Variants in DPF3 observed in about 807,000 individuals in gnomAD.
DPF3 encodes the protein zinc finger protein DPF3.
DPF3 carries 18 observed loss-of-function variants against 56.8 expected under a neutral mutation model. That is an observed-to-expected ratio of 0.32 (90% CI 0.22 to 0.47). DPF3 has a LOEUF of 0.47. Among genes scored for constraint, DPF3 ranks in the 20% least tolerant of loss-of-function variants. The probability of loss-of-function intolerance (pLI) is 1.00; values close to 1 mark genes in which losing one functional copy is unlikely to be tolerated. For synonymous variants in DPF3, 188 were observed against 180.2 expected, an observed-to-expected ratio of 1.04 and a Z score of -0.35; for missense variants, 403 against 488.8, an observed-to-expected ratio of 0.82 and a Z score of 1.65.
chr14:72,829,183 A>G (rs1421891553), intron 1 of DPF3, among the ~76,000 whole-genome samples: 1 of 152,140 alleles, frequency 6.6e-6, no homozygotes, highest in African/African-American at 2.4e-5. Flanking sequence ...CACTTTATAC[A>G]TGTGCACTTT....
At chr14:72,772,109 G>T (rs1183388144) in intron 1 of DPF3, among the ~76,000 whole-genome samples, 1 of 152,164 alleles carries the variant, frequency 6.6e-6, no homozygotes. Flanking sequence ...AATCCACCAG[G>T]CAACTTAGAA....
chr14:72,772,770 T>A (rs755398060), intron 1 of DPF3, among the ~76,000 whole-genome samples: 68 of 152,202 alleles, frequency 4.5e-4, no homozygotes, highest in Admixed American at 9.8e-4. Context: ...AAATAATCAA[T>A]GAGATCAAAT....
rs537879340 is a variant in DPF3 at position 72,847,659 on chromosome 14, G to A, written c.32+46398C>T. On this transcript the variant is annotated intron_variant, in intron 1 of 10. Transcript: ENST00000556509. Reference sequence around the variant, plus strand: ...CCCGAGTAGCTGGGATTACAGGCACGTACCACCATGCCCAGCTAATTTTTG... The same window carrying A: ...CCCGAGTAGCTGGGATTACAGGCACATACCACCATGCCCAGCTAATTTTTG... Among the ~76,000 whole-genome samples the A allele has an allele frequency of 7.6e-4, 116 of 152,062 alleles. 1 individual carries two copies. The highest frequency in any genetic ancestry group is 2.7e-3 in the African/African-American group (112 of 41,494).
rs866809618 is a variant in DPF3, at chr14:72,772,001, C to A, written c.33-108G>T. 22 of 1,243,834 alleles carry A rather than the reference C, an allele frequency of 1.8e-5. No homozygotes were observed. The Middle Eastern group carries it at 1.0e-3, about 56-fold the overall frequency. The allele number at this position is 1,243,834 out of a possible 1,614,324, so 77.0% of individuals were successfully genotyped here. On this transcript the variant is annotated intron_variant, in intron 1 of 10. Coordinates refer to ENST00000556509, the MANE Select transcript of DPF3 (RefSeq NM_001280542.3). ...CCTCCCTGGAAAGACTGAAGACCTCCCAGTTATGAAGACCAAGGCAATGAG... is the reference window on the plus strand; with the variant it reads ...CCTCCCTGGAAAGACTGAAGACCTCACAGTTATGAAGACCAAGGCAATGAG...
intron 1 of DPF3, chr14:72,880,069 A>G (rs1886269858): frequency 9.1e-7 from 1 of 1,097,722 alleles, no homozygotes; most frequent in South Asian, 2.1e-5. Context: ...TCAGTAACAG[A>G]CATAGTAAGT....
At chr14:72,860,939 CT>C (rs1272481326) in intron 1 of DPF3, among the ~76,000 whole-genome samples, 1 of 151,970 alleles carries the variant, frequency 6.6e-6, no homozygotes, top group Non-Finnish European at 1.5e-5. Flanking sequence ...ACTGTTGTTT[CT>C]TGATTTTTCA....
At chr14:72,633,390 AGAG>A (rs745514403) in intron 8 of DPF3, among the ~76,000 whole-genome samples, 28 of 152,168 alleles carry the variant, frequency 1.8e-4, no homozygotes, top group Non-Finnish European at 3.5e-4. Context: ...AAAGAAAGGA[AGAG>A]GAGAGAAGAA....
At chr14:72,646,882 C>G (rs1274731300) in intron 8 of DPF3, among the ~76,000 whole-genome samples, 1 of 152,250 alleles carries the variant, frequency 6.6e-6, no homozygotes, top group Non-Finnish European at 1.5e-5. Context: ...CCCAAAGCTT[C>G]TAATTCCCCT....
chr14:72,755,444 C>T (rs1890753068), intron 2 of DPF3, among the ~76,000 whole-genome samples: 1 of 152,180 alleles, frequency 6.6e-6, no homozygotes, highest in South Asian at 2.1e-4. Flanking sequence ...GGATTGGAGA[C>T]ACTCTGCAGT....
intron 6 of DPF3, among the ~76,000 whole-genome samples, chr14:72,707,417 G>C (rs187226629): frequency 1.3e-5 from 2 of 152,252 alleles, no homozygotes; most frequent in Admixed American, 1.3e-4. Context: ...CTTCCACAGT[G>C]GTTGAACTAG....
chr14:72,886,107 C>T (rs1886534947), intron 1 of DPF3, among the ~76,000 whole-genome samples: 2 of 152,162 alleles, frequency 1.3e-5, no homozygotes, highest in Non-Finnish European at 2.9e-5. Context: ...CACGGTGGCT[C>T]ATGCCTATAA....
chr14:72,787,009 A>G (rs1193336497), intron 1 of DPF3, among the ~76,000 whole-genome samples: 5 of 152,228 alleles, frequency 3.3e-5, no homozygotes, highest in Non-Finnish European at 7.3e-5. Flanking sequence ...ACTTGAGAGC[A>G]TTGCCCTCTC....
intron 7 of DPF3, among the ~76,000 whole-genome samples, chr14:72,687,515 T>G (rs1475663848): frequency 6.6e-6 from 1 of 152,184 alleles, no homozygotes. Context: ...CAGAGGGGCA[T>G]AGAAGACGCT....
At chr14:72,763,438 T>C (rs1891140535) in intron 2 of DPF3, among the ~76,000 whole-genome samples, 2 of 152,012 alleles carry the variant, frequency 1.3e-5, no homozygotes, top group Admixed American at 1.3e-4. Context: ...AGTCCAGAAA[T>C]AAACACACAT....
chr14:72,669,928 C>T (rs564178953), intron 8 of DPF3: 105 of 985,784 alleles, frequency 1.1e-4, no homozygotes, highest in Non-Finnish European at 1.2e-4. Flanking sequence ...GCCCACATTG[C>T]AAGACAGGTT....
At chr14:72,713,400 C>G (rs532203973) in intron 6 of DPF3, among the ~76,000 whole-genome samples, 1 of 152,180 alleles carries the variant, frequency 6.6e-6, no homozygotes, top group Admixed American at 6.5e-5. Context: ...CCAGGGTGCT[C>G]CCTGGGCCCC....
chr14:72,703,215 T>C (rs1259175808), intron 6 of DPF3, among the ~76,000 whole-genome samples: 2 of 152,072 alleles, frequency 1.3e-5, no homozygotes, highest in Non-Finnish European at 1.5e-5. Flanking sequence ...CTTCATACCT[T>C]CTTTCAGGCC....
Position 72,753,371 on chromosome 14 carries a change from C to T in DPF3, c.194G>A (p.Gly65Asp). Reference sequence around the variant, plus strand: ...TGTATACAGCTGGCCCGGGGCAAGGCCTGTGGACAGAGACAATATAAAGAT... The same window carrying T: ...TGTATACAGCTGGCCCGGGGCAAGGTCTGTGGACAGAGACAATATAAAGAT... The part of the protein sequence containing the change: ...IWMEKRHRGP[G>D]LAPGQLYTYP... Residue 65 changes from glycine (G) to aspartate (D), a missense_variant and splice_region_variant, in exon 3 of 11, where the codon GGC becomes GAC. Gly to Asp is a moderately conservative substitution (Grantham distance 94, BLOSUM62 -1). Around this residue, in one of 2 missense-constraint regions of DPF3, gnomAD observed 340 missense variants for 374.3 expected, o/e 0.91. Coordinates refer to ENST00000556509, the MANE Select transcript of DPF3 (RefSeq NM_001280542.3). 1 of 1,609,038 alleles carries T rather than the reference C, an allele frequency of 6.2e-7. No homozygotes were observed.
At chr14:72,868,266 C>T (rs1273261132) in intron 1 of DPF3, among the ~76,000 whole-genome samples, 2 of 152,178 alleles carry the variant, frequency 1.3e-5, no homozygotes, top group Non-Finnish European at 2.9e-5. Flanking sequence ...CCACCAACTC[C>T]ATCACTTTGT....
Sources: allele counts gnomAD v4.1 joint callset (sites outside exome capture counted in the v4.1 genomes callset), GRCh38; gene constraint gnomAD v4.1.1; regional missense constraint gnomAD v4.1.1; transcripts MANE v1.5; gene names NCBI Gene and HGNC (gene_info 2026-07-23, HGNC 2026-07-21).